Variants in GRHL2 observed in about 807,000 individuals in gnomAD.
The protein encoded by GRHL2 is grainyhead like transcription factor 2.
Under a neutral mutation model 83.8 loss-of-function variants are expected in GRHL2, and 21 were observed. The observed-to-expected ratio is 0.25, with a 90% CI of 0.18 to 0.36. The LOEUF (loss-of-function observed/expected upper bound fraction) is 0.36, where lower values mean the gene tolerates loss of function less well. Among genes scored for constraint, GRHL2 ranks in the 10% least tolerant of loss-of-function variants. The pLI, the probability that GRHL2 is intolerant of heterozygous loss-of-function variation, is 1.00. For missense variants in GRHL2, 623 were observed against 781.8 expected (o/e 0.80, Z 2.42); for synonymous variants, 280 against 278.9 (o/e 1.00, Z -0.04).
At chr8:101,510,871 G>T (rs778544484) in intron 1 of GRHL2, among the ~76,000 whole-genome samples, 3 of 152,142 alleles carry the variant, frequency 2.0e-5, no homozygotes, top group Non-Finnish European at 2.9e-5. Flanking sequence ...GAGGCAGGTG[G>T]ATTACTTGAG....
At chr8:101,544,865 T>C (rs1452457637) in intron 2 of GRHL2, among the ~76,000 whole-genome samples, 1 of 152,164 alleles carries the variant, frequency 6.6e-6, no homozygotes, top group Non-Finnish European at 1.5e-5. Context: ...TTGCAAGCTA[T>C]TGTCTCCTGT....
chr8:101,611,231 A>C (rs1056979558), intron 8 of GRHL2, among the ~76,000 whole-genome samples: 3 of 150,776 alleles, frequency 2.0e-5, no homozygotes, highest in Non-Finnish European at 4.4e-5. Context: ...ATGGGTAAAG[A>C]CTCCTTAAAC....
intron 1 of GRHL2, among the ~76,000 whole-genome samples, chr8:101,499,329 A>G (rs1463176736): frequency 4.6e-5 from 7 of 152,186 alleles, no homozygotes; most frequent in African/African-American, 1.2e-4. Flanking sequence ...CTATGGTTAC[A>G]TAGTATTTTT....
At chr8:101,533,801 A>G (rs1391099693) in intron 1 of GRHL2, among the ~76,000 whole-genome samples, 1 of 152,208 alleles carries the variant, frequency 6.6e-6, no homozygotes, top group Non-Finnish European at 1.5e-5. Flanking sequence ...CATTCTGGGA[A>G]GATGAAACAG....
chr8:101,562,366 T>C, intron 4 of GRHL2: 1 of 672,216 alleles, frequency 1.5e-6, no homozygotes, highest in Non-Finnish European at 2.4e-6. Flanking sequence ...TGTGCTTCTT[T>C]TTAAAGTTTT....
At chr8:101,598,563 T>C (rs942459806) in intron 7 of GRHL2, among the ~76,000 whole-genome samples, 3 of 150,508 alleles carry the variant, frequency 2.0e-5, no homozygotes, top group African/African-American at 7.3e-5. Context: ...TTAAAAAAGC[T>C]TTACTGTGGT....
chr8:101,556,301 G>A (rs1811488234), intron 3 of GRHL2, among the ~76,000 whole-genome samples: 1 of 152,048 alleles, frequency 6.6e-6, no homozygotes, highest in South Asian at 2.1e-4. Context: ...AATGAGAGAT[G>A]CCACAAAGCC....
chr8:101,656,906 A>AC (rs1435483352), intron 14 of GRHL2, among the ~76,000 whole-genome samples: 1 of 149,656 alleles, frequency 6.7e-6, no homozygotes. Context: ...ACACACACAC[A>AC]GGCAATGACC....
chr8:101,601,461 C>T lies in GRHL2; in HGVS notation c.1098+2310C>T, dbSNP rs535784902. Among the ~76,000 whole-genome samples, 43 of 152,224 alleles carry T rather than the reference C, an allele frequency of 2.8e-4. 1 individual carries two copies. The highest frequency in any genetic ancestry group is 9.9e-4 in the African/African-American group (41 of 41,538). ...ATGTGGAGTTGAGTTGATCTTCCAGCCCAGTTCATTCCATACCACTCATTC... is the reference window on the plus strand; with the variant it reads ...ATGTGGAGTTGAGTTGATCTTCCAGTCCAGTTCATTCCATACCACTCATTC... On this transcript the variant is annotated intron_variant, in intron 8 of 15. Transcript: ENST00000646743.
intron 8 of GRHL2, among the ~76,000 whole-genome samples, chr8:101,616,736 T>C (rs908157505): frequency 3.3e-5 from 5 of 152,166 alleles, no homozygotes; most frequent in African/African-American, 1.2e-4. Context: ...GGATCACTCG[T>C]CCATCTCCCT....
chr8:101,558,462 G>A lies in GRHL2; in HGVS notation c.328G>A (p.Gly110Arg). The change falls in exon 4 of 16, where the codon GGA becomes AGA. Residue 110 changes from glycine (G) to arginine (R), a missense_variant. Gly to Arg is a moderately radical substitution (Grantham distance 125). This residue lies in a region of GRHL2 where 239 missense variants were observed against 240.5 expected (regional missense o/e 0.99). Coordinates refer to ENST00000646743, the MANE Select transcript of GRHL2 (RefSeq NM_024915.4). Reference sequence around the variant, plus strand: ...TGAAGCCCAGAGTAATTTGAGTGGAGGAGAAAACCGAGTGCAAGTCCTAAA... The same window carrying A: ...TGAAGCCCAGAGTAATTTGAGTGGAAGAGAAAACCGAGTGCAAGTCCTAAA... ...TSEAQSNLSG[G>R]ENRVQVLKTV... 1 of 1,614,178 alleles carries A rather than the reference G, an allele frequency of 6.2e-7. No homozygotes were observed. The highest frequency in any genetic ancestry group is 8.5e-7 in the Non-Finnish European group (1 of 1,180,034).
rs191811848 is a variant in GRHL2 at position 101,619,765 on chromosome 8, T to C, written c.1257+68T>C. On this transcript the variant is annotated intron_variant, in intron 9 of 15. Coordinates refer to ENST00000646743, the MANE Select transcript of GRHL2 (RefSeq NM_024915.4). ...TAGATATTACTTTTAATGGCATTTC[T>C]TCCTTGTCACCTTTGCTTGTCTAGT... 257 of 1,224,702 alleles carry C rather than the reference T, an allele frequency of 2.1e-4. 3 individuals are homozygous for C. The African/African-American group carries it at 3.4e-3, about 16-fold the overall frequency. 75.9% of individuals were successfully genotyped at this position (1,224,702 alleles called of 1,614,324 possible).
chr8:101,595,278 T>A (rs1158062427), intron 7 of GRHL2, among the ~76,000 whole-genome samples: 2 of 152,240 alleles, frequency 1.3e-5, no homozygotes, highest in Non-Finnish European at 2.9e-5. Context: ...GTTTTTGAAA[T>A]TCTTTCCTTA....
At chr8:101,674,869 T>A in the GRHL2 span, among the ~76,000 whole-genome samples, 1 of 152,102 alleles carries the variant, frequency 6.6e-6, no homozygotes, top group South Asian at 2.1e-4. Flanking sequence ...CATGATCAAG[T>A]GGGCTTCATC....
At chr8:101,654,369 C>T (rs1047836737) in intron 14 of GRHL2, among the ~76,000 whole-genome samples, 5 of 152,196 alleles carry the variant, frequency 3.3e-5, no homozygotes, top group Non-Finnish European at 7.3e-5. Flanking sequence ...GAGCTTAACA[C>T]ATATAGTCAG....
Position 101,639,863 on chromosome 8 carries a change from C to T in GRHL2, c.1517+2935C>T, listed in dbSNP as rs546701610. On this transcript the variant is annotated intron_variant, in intron 12 of 15. Coordinates refer to ENST00000646743, the MANE Select transcript of GRHL2 (RefSeq NM_024915.4). ...GCCACGTTCTTTCCTCTCCCTGCCA[C>T]GTTGATTAATACTCACATAAATTAA... 2.9e-4 allele frequency among the ~76,000 whole-genome samples: 44 copies of T among 152,332 alleles called. No homozygotes were observed. In the East Asian group the frequency reaches 3.3e-3, roughly 11 times the overall value.
rs373697513 is a variant in GRHL2 at position 101,520,857 on chromosome 8, C to T, written c.21-22384C>T. ...GTTCCAACCTGCCTCAGGGACCTTG[C>T]ACATGCTGTTCCTGTAATGACATTC... On this transcript the variant is annotated intron_variant, in intron 1 of 15. Transcript: ENST00000646743. Among the ~76,000 whole-genome samples, 8 of 152,254 alleles carry T rather than the reference C, an allele frequency of 5.3e-5. No homozygotes were observed. The East Asian group carries it at 1.2e-3, about 22-fold the overall frequency.
At chr8:101,493,731 C>T (rs576613519) in intron 1 of GRHL2, among the ~76,000 whole-genome samples, 21 of 152,182 alleles carry the variant, frequency 1.4e-4, no homozygotes, top group Middle Eastern at 3.4e-3. Context: ...AGGCCGAGGG[C>T]TCGGGGCGGC....
In GRHL2 at chr8:101,667,641, CAAT is replaced by C. The variant is rs891039243; in HGVS notation, c.*939_*941del. ...CTTCGAGGCCACCACGTTTATCTCA[CAAT>C]GATGTGTTTTGCTTGACTTTCCCTT... On this transcript the variant is annotated 3_prime_UTR_variant, in exon 16 of 16. Transcript: ENST00000646743. 7.2e-5 allele frequency: 11 copies of C among 152,382 alleles called. No homozygotes were observed. The highest frequency in any genetic ancestry group is 2.4e-4 in the African/African-American group (10 of 41,456). 9.4% of individuals were successfully genotyped at this position (152,382 alleles called of 1,614,324 possible). A position where few individuals can be genotyped will look rare whatever the true frequency, so the allele number is the denominator to read the frequency against.
Sources: allele counts gnomAD v4.1 joint callset (sites outside exome capture counted in the v4.1 genomes callset), GRCh38; gene constraint gnomAD v4.1.1; regional missense constraint gnomAD v4.1.1; transcripts MANE v1.5; gene names NCBI Gene and HGNC (gene_info 2026-07-23, HGNC 2026-07-21).